The following NRXN1 variants were observed in gnomAD, a reference collection of about 807,000 sequenced individuals.
NRXN1 encodes neurexin-1.
A neutral mutation model predicts 150.9 loss-of-function variants in NRXN1; 39 were observed. The ratio of observed to expected loss-of-function variants is 0.26; its 90% CI spans 0.20 to 0.34. The LOEUF is 0.34. Ranked by LOEUF, NRXN1 falls within the 10% of genes least tolerant of loss-of-function variation. The pLI is 1.00. For synonymous variants in NRXN1, 924 were observed against 757.0 expected (o/e 1.22, Z -3.62); for missense variants, 1,815 against 1,949.9 (o/e 0.93, Z 1.30).
chr2:50,088,459 C>G (rs1005558731), intron 19 of NRXN1, among the ~76,000 whole-genome samples: 5 of 151,914 alleles, frequency 3.3e-5, no homozygotes, highest in Admixed American at 2.0e-4. Flanking sequence ...TCTTGAGGGC[C>G]GACTCTGTGT....
intron 2 of NRXN1, among the ~76,000 whole-genome samples, chr2:50,989,103 T>C (rs1698159606): frequency 6.6e-6 from 1 of 152,042 alleles, no homozygotes; most frequent in Non-Finnish European, 1.5e-5. Context: ...TATTCTAAAT[T>C]GGCAAATTTA....
At chr2:50,276,561 G>T (rs1373729273) in intron 17 of NRXN1, among the ~76,000 whole-genome samples, 3 of 152,154 alleles carry the variant, frequency 2.0e-5, no homozygotes, top group Admixed American at 6.5e-5. Context: ...TCTCAGAGGA[G>T]AAAGAAATAC....
At chr2:50,601,930 G>A (rs183911470) in intron 8 of NRXN1, among the ~76,000 whole-genome samples, 7 of 152,226 alleles carry the variant, frequency 4.6e-5, no homozygotes, top group East Asian at 3.9e-4. Flanking sequence ...AATGTTCACC[G>A]GTTACATGGA....
chr2:49,929,702 C>T (rs1456681436), intron 22 of NRXN1, among the ~76,000 whole-genome samples: 2 of 152,104 alleles, frequency 1.3e-5, no homozygotes, highest in Non-Finnish European at 2.9e-5. Flanking sequence ...AAGCTTGGCT[C>T]AAATGTCCCA....
At chr2:50,552,316 T>C (rs1471011642) in intron 9 of NRXN1, among the ~76,000 whole-genome samples, 1 of 152,222 alleles carries the variant, frequency 6.6e-6, no homozygotes, top group Non-Finnish European at 1.5e-5. Context: ...CAAAATTTTC[T>C]GCAAGATTTG....
chr2:50,455,194 T>G (rs531343917), intron 17 of NRXN1, among the ~76,000 whole-genome samples: 8 of 152,268 alleles, frequency 5.3e-5, no homozygotes, highest in African/African-American at 1.9e-4. Flanking sequence ...AAAAACTGCA[T>G]GTTAACAAAA....
chr2:50,949,894 G>C (rs1459699963), intron 2 of NRXN1, among the ~76,000 whole-genome samples: 1 of 152,090 alleles, frequency 6.6e-6, no homozygotes, highest in Non-Finnish European at 1.5e-5. Context: ...ATCTATTTCT[G>C]TTGAAAGTGT....
chr2:50,354,465 G>A (rs917525839), intron 17 of NRXN1, among the ~76,000 whole-genome samples: 3 of 149,682 alleles, frequency 2.0e-5, no homozygotes, highest in Non-Finnish European at 4.4e-5. Context: ...TAAATGAGTC[G>A]ACAAATTTAA....
rs546418127 is a variant in NRXN1, at chr2:50,999,557, G to A, written c.772+27945C>T. ...ATGTGATGTCTCCCCCAGGCACCCA[G>A]CTTTAAAATTTCTCTCTTTTGTACT... On this transcript the variant is annotated intron_variant, in intron 2 of 22. Coordinates refer to ENST00000401669, the MANE Select transcript of NRXN1 (RefSeq NM_001330078.2). Among the ~76,000 whole-genome samples, 13 of 152,078 alleles carry A rather than the reference G, an allele frequency of 8.5e-5. No homozygotes were observed. The South Asian group carries it at 2.1e-3, about 24-fold the overall frequency.
chr2:50,354,138 C>T (rs965687118), intron 17 of NRXN1, among the ~76,000 whole-genome samples: 1 of 152,138 alleles, frequency 6.6e-6, no homozygotes, highest in Non-Finnish European at 1.5e-5. Flanking sequence ...GTGCTGTTCC[C>T]AGTTCTCTTC....
intron 15 of NRXN1, among the ~76,000 whole-genome samples, chr2:50,475,974 C>T (rs565445804): frequency 6.6e-6 from 1 of 152,104 alleles, no homozygotes; most frequent in Non-Finnish European, 1.5e-5. Flanking sequence ...TGAACAAGAG[C>T]CTGCATGGGC....
At chr2:50,833,033 C>T (rs1473657580) in intron 5 of NRXN1, among the ~76,000 whole-genome samples, 1 of 152,140 alleles carries the variant, frequency 6.6e-6, no homozygotes, top group Non-Finnish European at 1.5e-5. Flanking sequence ...CTTCACCAAA[C>T]AGGCTATATG....
chr2:50,673,686 G>C (rs1413315254), intron 5 of NRXN1, among the ~76,000 whole-genome samples: 1 of 151,920 alleles, frequency 6.6e-6, no homozygotes, highest in Non-Finnish European at 1.5e-5. Context: ...GAATATACTA[G>C]CATATGAAAA....
chr2:50,134,577 C>T (rs550954065), intron 18 of NRXN1, among the ~76,000 whole-genome samples: 48 of 152,208 alleles, frequency 3.2e-4, no homozygotes, highest in African/African-American at 1.1e-3. Flanking sequence ...AAGAACCGAT[C>T]ACAGAAGCAA....
intron 8 of NRXN1, among the ~76,000 whole-genome samples, chr2:50,584,767 C>T (rs1357812969): frequency 2.0e-5 from 3 of 152,118 alleles, no homozygotes; most frequent in African/African-American, 4.8e-5. Flanking sequence ...GTTTAAAATG[C>T]TGCAACCACA....
chr2:50,480,684 C>T (rs2090395348), intron 15 of NRXN1, among the ~76,000 whole-genome samples: 1 of 152,128 alleles, frequency 6.6e-6, no homozygotes. Flanking sequence ...AGGTTAGAGT[C>T]CTTCTAGTTT....
chr2:50,492,043 C>T lies in NRXN1; in HGVS notation c.3070+3862G>A, dbSNP rs145468661. The stretch of plus-strand genomic sequence containing the variant: ...ATTAGCTCCCTCCCATATATATGCA[C>T]ATCCTAACATACAAATTTGCCAAAT... On this transcript the variant is annotated intron_variant, in intron 15 of 22. Transcript: ENST00000401669. Among the ~76,000 whole-genome samples the T allele has an allele frequency of 7.9e-5, 12 of 152,260 alleles. No homozygotes were observed. In the East Asian group the frequency reaches 2.1e-3, roughly 27 times the overall value.
intron 8 of NRXN1, among the ~76,000 whole-genome samples, chr2:50,562,328 A>ATGATAGATAGAT (rs1558940727): frequency 3.9e-5 from 4 of 102,922 alleles, no homozygotes; most frequent in Non-Finnish European, 5.4e-5. Flanking sequence ...TGATAGATAT[A>ATGATAGATAGAT]CGATAGATAG....
At chr2:50,533,506 G>A (rs1202624898) in intron 10 of NRXN1, among the ~76,000 whole-genome samples, 1 of 152,008 alleles carries the variant, frequency 6.6e-6, no homozygotes, top group Non-Finnish European at 1.5e-5. Context: ...CAATCCATTT[G>A]CAAGTCTGCA....
Sources: allele counts gnomAD v4.1 joint callset (sites outside exome capture counted in the v4.1 genomes callset), GRCh38; gene constraint gnomAD v4.1.1; transcripts MANE v1.5; gene names NCBI Gene and HGNC (gene_info 2026-07-23, HGNC 2026-07-21).